The following SPATA3 variants were observed in gnomAD, a reference collection of about 807,000 sequenced individuals.
SPATA3 encodes the protein spermatogenesis associated 3, also known as spermatogenesis-associated protein 3.
SPATA3 carries 6 observed loss-of-function variants against 5.7 expected under a neutral mutation model. The observed-to-expected ratio is 1.06, with a 90% confidence interval of 0.58 to 2.09. The LOEUF (loss-of-function observed/expected upper bound fraction) is 2.09, where lower values mean the gene tolerates loss of function less well. Ranked by LOEUF, SPATA3 falls within the 30% of genes most tolerant of loss-of-function variation. The pLI is 0.00. For missense variants in SPATA3, 155 were observed against 130.4 expected, an observed-to-expected ratio of 1.19 and a Z score of -0.92; for synonymous variants, 44 against 48.4, an observed-to-expected ratio of 0.91 and a Z score of 0.37.
At chr2:231,004,547 A>G (rs1692466200), downstream of SPATA3, among the ~76,000 whole-genome samples, 1 of 152,170 alleles carries the variant, frequency 6.6e-6, no homozygotes. Flanking sequence ...GGATTGACTG[A>G]GGGGATGTGT....
In SPATA3 at chr2:231,000,459, G is replaced by A. The variant is rs771963665; in HGVS notation, c.884G>A (p.Arg295His). 26 of 1,549,692 alleles carry A rather than the reference G, an allele frequency of 1.7e-5. No individual in the cohort carries two copies. Among genetic ancestry groups the A allele is most frequent in the Middle Eastern group, 1.7e-4 (1 of 6,002 alleles). ...CGTCGTCTGGGGCTATGCCATAGCC[G>A]CATCTTCGATGTCCTTCTGCCTCGG... Residue 295 changes from arginine to histidine, a missense_variant, in exon 2 of 3, where the codon CGC (arginine) becomes CAC (histidine). Coordinates refer to ENST00000645363, the Ensembl canonical transcript of SPATA3.
intron 2 of SPATA3, among the ~76,000 whole-genome samples, chr2:231,001,875 T>TTCCAACAGGAACAGGC (rs1402894538): frequency 1.3e-5 from 2 of 151,992 alleles, no homozygotes; most frequent in Non-Finnish European, 2.9e-5. Context: ...CTCTGAAAGG[T>TTCCAACAGGAACAGGC]TCCAACAGGA....
chr2:230,996,311 C>T, intron 1 of SPATA3: 1 of 1,551,522 alleles, frequency 6.4e-7, no homozygotes, highest in South Asian at 1.2e-5. Flanking sequence ...GCTCCAATTC[C>T]ACCTCTCAGC....
In SPATA3 at chr2:231,002,692, C is replaced by G; in HGVS notation, c.971C>G (p.Ser324Ter). ...TCTGCTTTGCTCTACAGAAAATCTT[C>G]AAGAAAACCCTCCAGTCATCGTAAC... Residue 324 changes from serine (S) to a stop codon, truncating the protein, a stop_gained, in exon 3 of 3, where the codon TCA becomes TGA. Coordinates refer to ENST00000645363, the Ensembl canonical transcript of SPATA3. LOFTEE classifies it high-confidence loss of function. The G allele has an allele frequency of 6.6e-7, 1 of 1,512,340 alleles. No homozygotes were observed. The highest frequency in any genetic ancestry group is 8.9e-7 in the Non-Finnish European group (1 of 1,127,350). The allele number at this position is 1,512,340 out of a possible 1,614,324, so 93.7% of individuals were successfully genotyped here.
downstream of SPATA3, among the ~76,000 whole-genome samples, chr2:231,005,220 TCATCAC>T (rs1559197518): frequency 8.5e-5 from 9 of 105,780 alleles, no homozygotes; most frequent in Non-Finnish European, 1.2e-4. Context: ...ATCACCACCA[TCATCAC>T]CATCACCATC....
At chr2:230,996,384 C>G (rs1211526207) in intron 1 of SPATA3, 16 of 1,551,828 alleles carry the variant, frequency 1.0e-5, no homozygotes, top group Non-Finnish European at 1.3e-5. Flanking sequence ...GCAGCCTAGC[C>G]CTGAATCCAC....
chr2:231,010,104 G>A (rs1692744087), downstream of SPATA3, among the ~76,000 whole-genome samples: 1 of 152,246 alleles, frequency 6.6e-6, no homozygotes, highest in South Asian at 2.1e-4. Flanking sequence ...GGCTGTAGCT[G>A]AGCCTGCAAG....
At chr2:231,008,364 G>A (rs533470454), downstream of SPATA3, among the ~76,000 whole-genome samples, 5 of 152,328 alleles carry the variant, frequency 3.3e-5, no homozygotes, top group African/African-American at 1.2e-4. Flanking sequence ...TAGGGGTGGA[G>A]GGAGGACAAT....
downstream of SPATA3, among the ~76,000 whole-genome samples, chr2:231,005,096 C>CCA: frequency 1.0e-4 from 1 of 9,892 alleles, no homozygotes; most frequent in Non-Finnish European, 2.1e-4. Context: ...CATCACCATC[C>CCA]TCATCACCAT....
intron 2 of SPATA3, 28 bp downstream of exon 2, chr2:231,000,565 G>T (rs1423897852): frequency 1.4e-6 from 2 of 1,470,926 alleles, no homozygotes; most frequent in South Asian, 1.4e-5. Context: ...CTGGAGCCTC[G>T]GGGCACACAG....
At chr2:230,999,690 A>T (rs1292048594) in intron 1 of SPATA3, 1 of 169,100 alleles carries the variant, frequency 5.9e-6, no homozygotes, top group Non-Finnish European at 1.5e-5. Flanking sequence ...GGACAGAAAC[A>T]GAAAATAGGA....
intron 6 of SPATA3, among the ~76,000 whole-genome samples, chr2:231,019,153 T>A (rs958143172): frequency 4.7e-5 from 7 of 150,046 alleles, no homozygotes; most frequent in Non-Finnish European, 1.0e-4. Context: ...GTATTTTTAG[T>A]AGAGACGGGG....
intron 1 of SPATA3, among the ~76,000 whole-genome samples, chr2:230,997,535 T>A (rs1476242333): frequency 6.6e-6 from 1 of 152,262 alleles, no homozygotes; most frequent in East Asian, 1.9e-4. Context: ...ATATTTTTAG[T>A]ATGTGTGTCC....
At position 231,013,125 on chromosome 2, in the gene SPATA3, C is replaced by T. The variant is rs557691811; in HGVS notation, c.*226+428C>T. Among the ~76,000 whole-genome samples, 443 of 152,306 alleles carry T rather than the reference C, an allele frequency of 2.9e-3. 1 individual carries two copies. The highest frequency in any genetic ancestry group is 4.3e-3 in the Non-Finnish European group (293 of 68,024). ...TTCTCTTCTGTCCTCAGACTTACCC[C>T]TTCTCCTCCCTGCTTCACCAGACCT... is the stretch of plus-strand genomic sequence containing the variant. On this transcript the variant is annotated intron_variant, in intron 5 of 8. Coordinates refer to the SPATA3 transcript ENST00000452881.
intron 6 of SPATA3, among the ~76,000 whole-genome samples, chr2:231,014,648 G>A (rs1274691742): frequency 1.3e-5 from 2 of 152,044 alleles, no homozygotes; most frequent in African/African-American, 4.8e-5. Context: ...GGCATCGTGG[G>A]GCTCCTCTGG....
At chr2:231,002,209 C>T (rs1313961293) in intron 2 of SPATA3, among the ~76,000 whole-genome samples, 4 of 152,186 alleles carry the variant, frequency 2.6e-5, no homozygotes, top group South Asian at 2.1e-4. Context: ...TTTATCAAAA[C>T]GGGTATTGCA....
intron 5 of SPATA3, among the ~76,000 whole-genome samples, chr2:231,013,695 G>C (rs1692854049): frequency 6.6e-6 from 1 of 151,984 alleles, no homozygotes; most frequent in South Asian, 2.1e-4. Flanking sequence ...TCACCGTGTT[G>C]GTCAGTCTGG....
At chr2:231,007,960 T>C (rs1291502866), downstream of SPATA3, among the ~76,000 whole-genome samples, 2 of 152,094 alleles carry the variant, frequency 1.3e-5, no homozygotes, top group Non-Finnish European at 2.9e-5. Flanking sequence ...CAGTGAGCTA[T>C]GATTGCACCG....
downstream of SPATA3, among the ~76,000 whole-genome samples, chr2:231,005,310 CCACCAT>C (rs1692545633): frequency 8.2e-5 from 2 of 24,338 alleles, no homozygotes; most frequent in Non-Finnish European, 1.7e-4. Context: ...ACCACCATCA[CCACCAT>C]CATCATCACC....
Sources: gnomAD v4.1 joint callset for allele counts (sites outside exome capture counted in the v4.1 genomes callset) on GRCh38, gnomAD v4.1.1 for gene constraint, MANE v1.5 for transcripts, NCBI Gene and HGNC (gene_info 2026-07-23, HGNC 2026-07-21) for gene names.